The following ZZZ3 variants were observed in gnomAD, a reference collection of about 807,000 sequenced individuals.
The protein encoded by ZZZ3 is zinc finger ZZ-type containing 3.
ZZZ3 carries 22 observed loss-of-function variants against 95.2 expected under a neutral mutation model. The ratio of observed to expected loss-of-function variants is 0.23; its 90% CI spans 0.17 to 0.33. The LOEUF is 0.33. ZZZ3 is among the 10% of genes least tolerant of loss of function. The pLI, the probability that ZZZ3 is intolerant of heterozygous loss-of-function variation, is 1.00. For synonymous variants in ZZZ3, 335 were observed against 358.9 expected (o/e 0.93, Z 0.75); for missense variants, 885 against 1,066.5 (o/e 0.83, Z 2.37).
In ZZZ3 at chr1:77,566,069, GA is replaced by G; in HGVS notation, c.2567+11del. Reference sequence around the variant, plus strand: ...GTCTAAGTTGAAGACTGACAATGAAGAAAACACTTACCAGTCTGAACAAGAA... The same window carrying G: ...GTCTAAGTTGAAGACTGACAATGAAGAAACACTTACCAGTCTGAACAAGAA... On this transcript the variant is annotated intron_variant, in intron 14 of 14. Coordinates refer to ENST00000370801, the MANE Select transcript of ZZZ3 (RefSeq NM_015534.6). 1 of 1,598,484 alleles carries G rather than the reference GA, an allele frequency of 6.3e-7. No individual in the cohort carries two copies. Among genetic ancestry groups the G allele is most frequent in the Non-Finnish European group, 8.5e-7 (1 of 1,169,606 alleles).
At position 77,622,992 on chromosome 1, in the gene ZZZ3, C is replaced by T. The variant is rs536187329; in HGVS notation, c.1505+8858G>A. Reference sequence around the variant, plus strand: ...GTGCATACTAAAATTACATCAGAGACATCCACTTACAGTCATAACAGAGTA... The same window carrying T: ...GTGCATACTAAAATTACATCAGAGATATCCACTTACAGTCATAACAGAGTA... On this transcript the variant is annotated intron_variant, in intron 5 of 14. Coordinates refer to ENST00000370801, the MANE Select transcript of ZZZ3 (RefSeq NM_015534.6). Among the ~76,000 whole-genome samples the T allele has an allele frequency of 1.9e-3, 286 of 152,298 alleles. 4 individuals carry two copies. The highest frequency in any genetic ancestry group is 6.6e-3 in the African/African-American group (274 of 41,570).
chr1:77,614,416 C>A (rs1411917193), intron 5 of ZZZ3, among the ~76,000 whole-genome samples: 1 of 152,184 alleles, frequency 6.6e-6, no homozygotes, highest in Non-Finnish European at 1.5e-5. Context: ...AGGGCTAAGA[C>A]CCCCATTAAC....
chr1:77,678,209 C>T (rs1287093362), intron 1 of ZZZ3, among the ~76,000 whole-genome samples: 3 of 152,078 alleles, frequency 2.0e-5, no homozygotes, highest in African/African-American at 7.2e-5. Flanking sequence ...AATCTTTAGG[C>T]AATTGGTTGT....
intron 5 of ZZZ3, among the ~76,000 whole-genome samples, chr1:77,624,051 T>A (rs1055989097): frequency 2.0e-5 from 3 of 152,182 alleles, no homozygotes; most frequent in Admixed American, 6.5e-5. Flanking sequence ...TACTAATATG[T>A]AAAAATACAA....
At chr1:77,619,000 C>G (rs1666597724) in intron 5 of ZZZ3, among the ~76,000 whole-genome samples, 1 of 152,024 alleles carries the variant, frequency 6.6e-6, no homozygotes, top group South Asian at 2.1e-4. Flanking sequence ...AAATAGAAAG[C>G]TAAATGCAAC....
chr1:77,633,790 T>C (rs1668045034), intron 4 of ZZZ3, among the ~76,000 whole-genome samples: 1 of 152,162 alleles, frequency 6.6e-6, no homozygotes, highest in South Asian at 2.1e-4. Context: ...CTAGAGACCA[T>C]AACTGCCTCA....
chr1:77,565,354 T>C lies in ZZZ3; in HGVS notation c.*286A>G. 3.5e-6 allele frequency: 1 copy of C among 289,174 alleles called. No homozygotes were observed. The allele number at this position is 289,174 out of a possible 1,614,324, so 17.9% of individuals were successfully genotyped here. On this transcript the variant is annotated 3_prime_UTR_variant, in exon 15 of 15. Transcript: ENST00000370801. ...AAACCTTTGGAATTTACTCTCTCTTTAATGTGTGCTCTCGTTCCATCTCAC... is the reference window on the plus strand; with the variant it reads ...AAACCTTTGGAATTTACTCTCTCTTCAATGTGTGCTCTCGTTCCATCTCAC...
intron 5 of ZZZ3, 168 bp from the exon 6 acceptor site, chr1:77,584,823 G>A (rs1160337419): frequency 2.8e-5 from 12 of 423,228 alleles, no homozygotes; most frequent in African/African-American, 1.2e-4. Context: ...CCTGAGTTAC[G>A]AAGTACCTAC....
Position 77,564,946 on chromosome 1 carries a change from A to G in ZZZ3, c.*694T>C, listed in dbSNP as rs1418888600. ...TGTACACATCACATGATCATCTTAT[A>G]TAACATTACATTTAAAAAATATATC... On this transcript the variant is annotated 3_prime_UTR_variant, in exon 15 of 15. Coordinates refer to ENST00000370801, the MANE Select transcript of ZZZ3 (RefSeq NM_015534.6). 6.6e-6 allele frequency: 1 copy of G among 152,668 alleles called. No individual in the cohort carries two copies. The highest frequency in any genetic ancestry group is 2.4e-5 in the African/African-American group (1 of 41,468). The allele number at this position is 152,668 out of a possible 1,614,324, so 9.5% of individuals were successfully genotyped here.
chr1:77,565,407 G>A lies in ZZZ3; in HGVS notation c.*233C>T. 1 of 429,708 alleles carries A rather than the reference G, an allele frequency of 2.3e-6. No homozygotes were observed. Among genetic ancestry groups the A allele is most frequent in the Non-Finnish European group, 4.1e-6 (1 of 243,792 alleles). The allele number at this position is 429,708 out of a possible 1,614,324, so 26.6% of individuals were successfully genotyped here. A position where few individuals can be genotyped will look rare whatever the true frequency, so the allele number is the denominator to read the frequency against. Reference sequence around the variant, plus strand: ...ATTTAAGATCACCACCTAAAACGCAGTGGTGAAAAATTCACCAGGGAAACC... The same window carrying A: ...ATTTAAGATCACCACCTAAAACGCAATGGTGAAAAATTCACCAGGGAAACC... On this transcript the variant is annotated 3_prime_UTR_variant, in exon 15 of 15. Coordinates refer to ENST00000370801, the MANE Select transcript of ZZZ3 (RefSeq NM_015534.6).
chr1:77,594,134 G>C (rs1663985726), intron 5 of ZZZ3, among the ~76,000 whole-genome samples: 2 of 152,062 alleles, frequency 1.3e-5, no homozygotes, highest in Non-Finnish European at 1.5e-5. Flanking sequence ...TCTGCCCACA[G>C]CTAGAAGTAT....
At chr1:77,648,985 A>G (rs1171850883) in intron 1 of ZZZ3, among the ~76,000 whole-genome samples, 1 of 151,944 alleles carries the variant, frequency 6.6e-6, no homozygotes, top group East Asian at 1.9e-4. Context: ...AAATTAGCCA[A>G]GAGTGGTGGT....
At chr1:77,659,119 G>A in intron 1 of ZZZ3, among the ~76,000 whole-genome samples, 1 of 152,094 alleles carries the variant, frequency 6.6e-6, no homozygotes, top group East Asian at 1.9e-4. Context: ...TAGGGAGGCT[G>A]AGTCAGGAGA....
chr1:77,678,070 G>A (rs1171501209), intron 1 of ZZZ3, among the ~76,000 whole-genome samples: 2 of 152,130 alleles, frequency 1.3e-5, no homozygotes, highest in East Asian at 3.9e-4. Flanking sequence ...ACAAAAACCT[G>A]GCACCTTAGG....
intron 8 of ZZZ3, 81 bp from the exon 9 acceptor site, chr1:77,581,150 G>C: frequency 9.2e-7 from 1 of 1,091,870 alleles, no homozygotes; most frequent in Admixed American, 2.1e-5. Flanking sequence ...CGCAAATTGT[G>C]GAATTTTTAA....
At chr1:77,638,634 TG>T (rs1341547654) in intron 4 of ZZZ3, among the ~76,000 whole-genome samples, 3 of 152,340 alleles carry the variant, frequency 2.0e-5, no homozygotes, top group Admixed American at 2.0e-4. Flanking sequence ...ATCACACCAA[TG>T]GTTTAGCTGA....
At chr1:77,574,545 C>T (rs1337679028) in intron 12 of ZZZ3, among the ~76,000 whole-genome samples, 1 of 152,126 alleles carries the variant, frequency 6.6e-6, no homozygotes, top group Non-Finnish European at 1.5e-5. Context: ...AAGTAACATT[C>T]CTACAGTCAG....
intron 1 of ZZZ3, among the ~76,000 whole-genome samples, chr1:77,667,168 GATTTT>G (rs1671316266): frequency 6.6e-6 from 1 of 152,188 alleles, no homozygotes; most frequent in Non-Finnish European, 1.5e-5. Flanking sequence ...TTACATTGAT[GATTTT>G]AATTACTCAA....
At chr1:77,661,360 C>T (rs1407683622) in intron 1 of ZZZ3, among the ~76,000 whole-genome samples, 1 of 152,082 alleles carries the variant, frequency 6.6e-6, no homozygotes, top group African/African-American at 2.4e-5. Flanking sequence ...CTGCAGTGAG[C>T]CAAGATCACG....
Sources: allele counts gnomAD v4.1 joint callset (sites outside exome capture counted in the v4.1 genomes callset), GRCh38; gene constraint gnomAD v4.1.1; transcripts MANE v1.5; gene names NCBI Gene and HGNC (gene_info 2026-07-23, HGNC 2026-07-21).